LARP4B: variants seen among roughly 807,000 people sequenced by gnomAD.
The protein encoded by LARP4B is La ribonucleoprotein 4B, also known as la-related protein 4B.
LARP4B carries 12 observed loss-of-function variants against 89.8 expected under a neutral mutation model. The ratio of observed to expected loss-of-function variants is 0.13; its 90% CI spans 0.09 to 0.22. The LOEUF (loss-of-function observed/expected upper bound fraction) is 0.22. LARP4B is among the 10% of genes least tolerant of loss of function. LARP4B has a pLI of 1.00. For missense variants in LARP4B, 757 were observed against 947.7 expected (o/e 0.80, Z 2.64); for synonymous variants, 367 against 363.3 (o/e 1.01, Z -0.12).
chr10:813,225 C>T lies in LARP4B; in HGVS notation c.1930-12G>A. ...GGCTTTCGCAATTCCTGGAAACAGA[C>T]AATCCTGGGTTACCTGTGTGAAATG... On this transcript the variant is annotated splice_polypyrimidine_tract_variant and intron_variant, in intron 17 of 17. Transcript: ENST00000316157. 3 of 1,601,082 alleles carry T rather than the reference C, an allele frequency of 1.9e-6. No homozygotes were observed. In the South Asian group the frequency reaches 3.4e-5, roughly 18 times the overall value.
chr10:942,394 A>G, the LARP4B span: 1 of 152,338 alleles, frequency 6.6e-6, no homozygotes, highest in African/African-American at 2.4e-5. Context: ...CCTCTCCCCT[A>G]AGTTTTTTCT....
At chr10:948,753 T>C in the LARP4B span, among the ~76,000 whole-genome samples, 1 of 152,280 alleles carries the variant, frequency 6.6e-6, no homozygotes, top group Non-Finnish European at 1.5e-5. Flanking sequence ...AATCTCATGG[T>C]GTACCACCTT....
At chr10:862,650 C>G (rs1834686248) in intron 5 of LARP4B, among the ~76,000 whole-genome samples, 1 of 152,078 alleles carries the variant, frequency 6.6e-6, no homozygotes. Context: ...GTCCCAGCTA[C>G]TCAGGAGGCT....
intron 3 of LARP4B, among the ~76,000 whole-genome samples, chr10:876,586 C>CA (rs1161036923): frequency 6.6e-6 from 1 of 152,150 alleles, no homozygotes; most frequent in Non-Finnish European, 1.5e-5. Context: ...CAAGCAGCCC[C>CA]ACCCGATGGC....
At chr10:881,525 C>T (rs1271256031) in intron 3 of LARP4B, among the ~76,000 whole-genome samples, 1 of 152,180 alleles carries the variant, frequency 6.6e-6, no homozygotes, top group Non-Finnish European at 1.5e-5. Context: ...CTGACCACTC[C>T]GCGTCCTAGA....
chr10:926,527 G>C (rs879393234), intron 1 of LARP4B, among the ~76,000 whole-genome samples: 1 of 152,124 alleles, frequency 6.6e-6, no homozygotes, highest in East Asian at 1.9e-4. Context: ...CGAGGCCTAG[G>C]GCAGTCCTGA....
intron 2 of LARP4B, among the ~76,000 whole-genome samples, 159 bp from the exon 3 acceptor site, chr10:884,665 A>G (rs565598980): frequency 4.3e-4 from 66 of 152,336 alleles, no homozygotes; most frequent in African/African-American, 1.6e-3. Context: ...TAGGAGGCTT[A>G]AAATTTTTAA....
rs7070876 is a variant in LARP4B at position 909,091 on chromosome 10, A to C, written c.-40+22337T>G. 1.8e-4 allele frequency among the ~76,000 whole-genome samples: 28 copies of C among 151,958 alleles called. No homozygotes were observed. In the East Asian group the frequency reaches 3.9e-3, roughly 21 times the overall value. Reference sequence around the variant, plus strand: ...GGGCAGATCACAAGGTCAGGAGATCAAGATCATCCTGGCTAACACGGTGAA... The same window carrying C: ...GGGCAGATCACAAGGTCAGGAGATCCAGATCATCCTGGCTAACACGGTGAA... On this transcript the variant is annotated intron_variant, in intron 1 of 17. Coordinates refer to ENST00000316157, the MANE Select transcript of LARP4B (RefSeq NM_015155.3).
In LARP4B at chr10:844,867, A is replaced by G. The variant is rs1588898039; in HGVS notation, c.509+110T>C. 5.6e-6 allele frequency: 4 copies of G among 719,452 alleles called. No individual in the cohort carries two copies. The East Asian group carries it at 1.1e-4, about 19-fold the overall frequency. The allele number at this position is 719,452 out of a possible 1,614,324, so 44.6% of individuals were successfully genotyped here. On this transcript the variant is annotated intron_variant, in intron 6 of 17. Coordinates refer to ENST00000316157, the MANE Select transcript of LARP4B (RefSeq NM_015155.3). ...ATATTCCACGTCTTCATATACATAT[A>G]TATGGATATGAGTAGATACTCCTTC...
chr10:922,554 A>C (rs964604594), intron 1 of LARP4B, among the ~76,000 whole-genome samples: 7 of 151,974 alleles, frequency 4.6e-5, no homozygotes, highest in African/African-American at 1.5e-4. Flanking sequence ...TGTCTCAAAA[A>C]ATTATTATTT....
At chr10:883,733 G>A (rs1328043817) in intron 3 of LARP4B, among the ~76,000 whole-genome samples, 3 of 150,058 alleles carry the variant, frequency 2.0e-5, no homozygotes, top group Admixed American at 6.6e-5. Context: ...TCAGAAGCTC[G>A]AGACTAGCCT....
chr10:900,420 CTTTTTTTTTTTT>C (rs529963345), intron 1 of LARP4B, among the ~76,000 whole-genome samples: 38 of 45,244 alleles, frequency 8.4e-4, no homozygotes, highest in Admixed American at 1.6e-3. Context: ...AGAAGGATGT[CTTTTTTTTTTTT>C]TTTTTTTTTT....
At chr10:819,617 CG>C (rs1179760495) in intron 14 of LARP4B, 28 of 152,368 alleles carry the variant, frequency 1.8e-4, no homozygotes, top group African/African-American at 6.0e-4. Flanking sequence ...CAAAACAGAA[CG>C]GAAGAGAAAT....
chr10:964,807 C>A, the LARP4B span, among the ~76,000 whole-genome samples: 1 of 152,184 alleles, frequency 6.6e-6, no homozygotes, highest in African/African-American at 2.4e-5. Context: ...GAGAGAGGGA[C>A]CTCACCAGCT....
intron 3 of LARP4B, among the ~76,000 whole-genome samples, chr10:865,466 G>A (rs757247933): frequency 6.6e-6 from 1 of 152,148 alleles, no homozygotes; most frequent in African/African-American, 2.4e-5. Flanking sequence ...GCGCCCTCCT[G>A]TGCTCACTGC....
chr10:867,572 C>T (rs1834967400), intron 3 of LARP4B, among the ~76,000 whole-genome samples: 1 of 152,090 alleles, frequency 6.6e-6, no homozygotes, highest in African/African-American at 2.4e-5. Context: ...TCAAGAACTC[C>T]AGCGTCGGCC....
In LARP4B at chr10:931,494, C is replaced by A. The variant is rs1830609408; in HGVS notation, c.-106G>T. The A allele has an allele frequency of 1.3e-5, 2 of 148,962 alleles. No homozygotes were observed. Among genetic ancestry groups the A allele is most frequent in the African/African-American group, 4.9e-5 (2 of 40,936 alleles). 9.2% of individuals were successfully genotyped at this position (148,962 alleles called of 1,614,324 possible). ...TCCTCGCCTCAACCCCGGGGCCCGGCGGCCGCGCCACACGCGGGGACGGCG... is the reference window on the plus strand; with the variant it reads ...TCCTCGCCTCAACCCCGGGGCCCGGAGGCCGCGCCACACGCGGGGACGGCG... On this transcript the variant is annotated 5_prime_UTR_variant, in exon 1 of 18. Coordinates refer to ENST00000316157, the MANE Select transcript of LARP4B (RefSeq NM_015155.3).
At chr10:936,648 A>G (rs991089879), upstream of LARP4B, among the ~76,000 whole-genome samples, 1 of 152,150 alleles carries the variant, frequency 6.6e-6, no homozygotes, top group African/African-American at 2.4e-5. Context: ...GCTTAAACCC[A>G]GGAGGCTGAG....
At chr10:844,561 A>T (rs1021935359) in intron 6 of LARP4B, among the ~76,000 whole-genome samples, 6 of 152,194 alleles carry the variant, frequency 3.9e-5, no homozygotes, top group Non-Finnish European at 5.9e-5. Flanking sequence ...TTGGAACTTT[A>T]AAGGTTTTAC....
Sources: allele counts gnomAD v4.1 joint callset (sites outside exome capture counted in the v4.1 genomes callset), GRCh38; gene constraint gnomAD v4.1.1; transcripts MANE v1.5; gene names NCBI Gene and HGNC (gene_info 2026-07-23, HGNC 2026-07-21).